FAT2: variants seen among roughly 807,000 people sequenced by gnomAD.
FAT2 encodes the protein protocadherin Fat 2.
A neutral mutation model predicts 295.3 loss-of-function variants in FAT2; 150 were observed. The observed-to-expected ratio is 0.51, with a 90% CI of 0.44 to 0.58. The LOEUF (loss-of-function observed/expected upper bound fraction) is 0.58, where lower values mean the gene tolerates loss of function less well. FAT2 is among the 20% of genes least tolerant of loss of function. The probability of loss-of-function intolerance (pLI) is 0.00; values close to 1 mark genes in which losing one functional copy is unlikely to be tolerated. For missense variants in FAT2, 4,868 were observed against 5,442.7 expected (o/e 0.89, Z 3.32); for synonymous variants, 2,026 against 2,150.3 (o/e 0.94, Z 1.60).
Position 151,566,361 on chromosome 5 carries a change from G to A in FAT2, c.2571C>T (p.Tyr857=), listed in dbSNP as rs148732795. The stretch of plus-strand genomic sequence containing the variant: ...ACTTCTCTGTGGGACTTAGCAGGGT[G>A]TAGCGAACCCTGCCATTGTCTTCCG... ...ADSEDNGRVR[Y]TLLSPTEKFS... The change falls in exon 2 of 24, where the codon TAC becomes TAT. Residue 857 remains tyrosine, a synonymous_variant. Transcript: ENST00000261800. The A allele has an allele frequency of 8.7e-6, 14 of 1,614,146 alleles. No homozygotes were observed. In the African/African-American group the frequency reaches 1.7e-4, roughly 20 times the overall value.
In FAT2 at chr5:151,531,903, G is replaced by A. The variant is rs2127591856; in HGVS notation, c.9495C>T (p.Thr3165=). ...SAEGHFSIDA[T]TGVIRLEKPL... is the part of the protein sequence containing the mutation. ...GCTTTTCCAGGCGGATCACCCCCGT[G>A]GTGGCGTCGATGGAAAAGTGGCCTT... The change falls in exon 14 of 24, where the codon ACC becomes ACT. Residue 3165 remains threonine (T), a synonymous_variant. Coordinates refer to ENST00000261800, the MANE Select transcript of FAT2 (RefSeq NM_001447.3). The surrounding 1 kb of genome is among the most constrained non-coding windows in gnomAD (Gnocchi z 5.7). 1 of 1,614,214 alleles carries A rather than the reference G, an allele frequency of 6.2e-7. No individual in the cohort carries two copies. Among genetic ancestry groups the A allele is most frequent in the East Asian group, 2.2e-5 (1 of 44,888 alleles).
rs1408299814 is a variant in FAT2 at position 151,540,744 on chromosome 5, CT to C, written c.8861del (p.Gln2954ArgfsTer78). On this transcript the variant is annotated frameshift_variant, in exon 11 of 24. Transcript: ENST00000261800. LOFTEE classifies it high-confidence loss of function. ...CATCTCCAACTTGGCTGATGCCAAA[CT>C]GGCCCAGGGGGTCTCCCTCTAAACA... ...CYITEGDPLGQFGISQVGDEW... is the reference protein window; with the variant it reads ...CYITEGDPLGXFGISQVGDEW... 1.9e-6 allele frequency: 3 copies of C among 1,613,892 alleles called. No individual in the cohort carries two copies. The highest frequency in any genetic ancestry group is 2.5e-6 in the Non-Finnish European group (3 of 1,179,960).
chr5:151,587,166 CA>C (rs71575107), intron 1 of FAT2, among the ~76,000 whole-genome samples: 6 of 147,212 alleles, frequency 4.1e-5, no homozygotes, highest in Admixed American at 1.4e-4. Context: ...CAAAACAAAA[CA>C]AAAAAAAAAC....
Position 151,543,411 on chromosome 5 carries a change from C to G in FAT2, c.7716G>C (p.Lys2572Asn). ...TGTCATTTTCATCTGTGAGGATGAT[C>G]TTCACCGTGCAGAAGGCTACTCTTC... ...GGGRVAFCTVKIILTDENDNP... is the reference protein window; with the variant it reads ...GGGRVAFCTVNIILTDENDNP... The change falls in exon 10 of 24, where the codon AAG becomes AAC. Residue 2572 changes from lysine to asparagine, a missense_variant. Transcript: ENST00000261800. 1 of 1,613,994 alleles carries G rather than the reference C, an allele frequency of 6.2e-7. No individual in the cohort carries two copies. The highest frequency in any genetic ancestry group is 8.5e-7 in the Non-Finnish European group (1 of 1,179,994).
At chr5:151,519,334 A>G (rs1753201785) in intron 19 of FAT2, among the ~76,000 whole-genome samples, 1 of 152,216 alleles carries the variant, frequency 6.6e-6, no homozygotes, top group Non-Finnish European at 1.5e-5. Context: ...ACAGAGCGAG[A>G]CTTCATCTCA....
rs1758270088 is a variant in FAT2 at position 151,566,464 on chromosome 5, C to A, written c.2468G>T (p.Gly823Val). Reference protein sequence around the residue: ...WNDNAPRFPPGGYQLTISEDT... With the variant: ...WNDNAPRFPPVGYQLTISEDT... The stretch of plus-strand genomic sequence containing the variant: ...CTCCGAGATGGTTAACTGGTACCCA[C>A]CGGGAGGAAATCTGGGTGCGTTGTC... The change falls in exon 2 of 24, where the codon GGT becomes GTT. Residue 823 changes from glycine to valine, a missense_variant. Physicochemically the swap from Gly to Val is moderately radical, Grantham distance 109. This residue lies in a region of FAT2 where 3,297 missense variants were observed against 3,669.4 expected (regional missense o/e 0.90). Coordinates refer to ENST00000261800, the MANE Select transcript of FAT2 (RefSeq NM_001447.3). The A allele has an allele frequency of 6.2e-7, 1 of 1,613,540 alleles. No homozygotes were observed. The highest frequency in any genetic ancestry group is 8.5e-7 in the Non-Finnish European group (1 of 1,179,736).
chr5:151,510,252 G>A, intron 21 of FAT2, 78 bp from the exon 22 acceptor site: 1 of 1,484,448 alleles, frequency 6.7e-7, no homozygotes. Context: ...AGACTGGTGT[G>A]TTTGTGCAGC....
At chr5:151,523,148 A>G (rs1006084983) in intron 18 of FAT2, among the ~76,000 whole-genome samples, 2 of 152,182 alleles carry the variant, frequency 1.3e-5, no homozygotes, top group African/African-American at 2.4e-5. Flanking sequence ...AAGAAAGTTG[A>G]TAAGATTACA....
chr5:151,585,284 C>T (rs1446667584), intron 1 of FAT2, among the ~76,000 whole-genome samples: 1 of 152,182 alleles, frequency 6.6e-6, no homozygotes, highest in Non-Finnish European at 1.5e-5. Flanking sequence ...GCTTTTTGTG[C>T]CAGTTACTGG....
chr5:151,530,744 T>C (rs1268480018), intron 14 of FAT2, among the ~76,000 whole-genome samples: 2 of 152,212 alleles, frequency 1.3e-5, no homozygotes, highest in East Asian at 1.9e-4. Context: ...TACACACTGA[T>C]GTCCTTACAA....
chr5:151,512,698 T>G lies in FAT2; in HGVS notation c.11464-92A>C. 1 of 1,223,154 alleles carries G rather than the reference T, an allele frequency of 8.2e-7. No individual in the cohort carries two copies. Among genetic ancestry groups the G allele is most frequent in the South Asian group, 1.5e-5 (1 of 65,850 alleles). The allele number at this position is 1,223,154 out of a possible 1,614,324, so 75.8% of individuals were successfully genotyped here. A position where few individuals can be genotyped will look rare whatever the true frequency, so the allele number is the denominator to read the frequency against. On this transcript the variant is annotated intron_variant, in intron 20 of 23. Transcript: ENST00000261800. The surrounding 1 kb of genome is among the most constrained non-coding windows in gnomAD (Gnocchi z 4.1). Reference sequence around the variant, plus strand: ...CCAGTTCAAAGAATGTTGTTTGTATTTTTATGGGTAGGAGGGGGGTGTTTG... The same window carrying G: ...CCAGTTCAAAGAATGTTGTTTGTATGTTTATGGGTAGGAGGGGGGTGTTTG...
intron 23 of FAT2, among the ~76,000 whole-genome samples, chr5:151,506,640 C>T (rs1760901069): frequency 6.6e-6 from 1 of 152,224 alleles, no homozygotes; most frequent in South Asian, 2.1e-4. Context: ...GTATTTGACA[C>T]ATAGTGAAAA....
chr5:151,550,521 C>T (rs1463393372), intron 8 of FAT2, 69 bp downstream of exon 8: 2 of 1,546,934 alleles, frequency 1.3e-6, no homozygotes, highest in African/African-American at 2.7e-5. Flanking sequence ...TTCAGCATGT[C>T]TCCAAGCATG....
intron 2 of FAT2, among the ~76,000 whole-genome samples, 194 bp downstream of exon 2, chr5:151,565,461 ATATGTGTATGTGTATATG>A (rs1758208030): frequency 1.3e-5 from 2 of 152,172 alleles, no homozygotes; most frequent in African/African-American, 4.8e-5. Flanking sequence ...ATATGTGCAT[ATATGTGTATGTGTATATG>A]CACATATATA....
Position 151,542,613 on chromosome 5 carries a change from T to A in FAT2, c.8514A>T (p.Ala2838=), listed in dbSNP as rs1756261038. 6.2e-7 allele frequency: 1 copy of A among 1,614,086 alleles called. No homozygotes were observed. Among genetic ancestry groups the A allele is most frequent in the South Asian group, 1.1e-5 (1 of 91,086 alleles). The part of the protein sequence containing the change: ...RDGQVSYRLS[A]DPGSNVHELF... ...GCTCATGGACATTGCTACCAGGGTC[T>A]GCAGACAGCCTGTAGCTCACCTGGC... Residue 2838 remains alanine (A), a synonymous_variant, in exon 10 of 24, where the codon GCA becomes GCT. Coordinates refer to ENST00000261800, the MANE Select transcript of FAT2 (RefSeq NM_001447.3).
In FAT2 at chr5:151,567,377, G is replaced by A. The variant is rs1268843239; in HGVS notation, c.1555C>T (p.Pro519Ser). 6 of 1,614,150 alleles carry A rather than the reference G, an allele frequency of 3.7e-6. No individual in the cohort carries two copies. The East Asian group carries it at 1.1e-4, about 30-fold the overall frequency. The change falls in exon 2 of 24, where the codon CCC (proline) becomes TCC (serine). Residue 519 changes from proline to serine, a missense_variant. This residue lies in a region of FAT2 where 3,297 missense variants were observed against 3,669.4 expected (regional missense o/e 0.90). Transcript: ENST00000261800. ...PYLGIISTSK[P>S]MDYELMKRIY... ...CTTTTCATGAGTTCATAGTCCATGG[G>A]TTTGGAGGTGGAGATGATCCCCAGG...
In FAT2 at chr5:151,512,727, G is replaced by T; in HGVS notation, c.11464-121C>A. 2.2e-6 allele frequency: 2 copies of T among 895,544 alleles called. No individual in the cohort carries two copies. The highest frequency in any genetic ancestry group is 3.4e-6 in the Non-Finnish European group (2 of 591,482). 55.5% of individuals were successfully genotyped at this position (895,544 alleles called of 1,614,324 possible). A position where few individuals can be genotyped will look rare whatever the true frequency, so the allele number is the denominator to read the frequency against. On this transcript the variant is annotated intron_variant, in intron 20 of 23. Coordinates refer to ENST00000261800, the MANE Select transcript of FAT2 (RefSeq NM_001447.3). This position sits in a 1 kb window ranked among gnomAD's most constrained non-coding sequence, Gnocchi z 4.1. ...ATGGGTAGGAGGGGGGTGTTTGGCT[G>T]TTTTAGACATGGCATTTGCAGAGCA...
chr5:151,583,062 C>G (rs1304931423), intron 1 of FAT2, among the ~76,000 whole-genome samples: 1 of 152,220 alleles, frequency 6.6e-6, no homozygotes, highest in East Asian at 1.9e-4. Flanking sequence ...TGTTCATCTT[C>G]CTGAGGTCTT....
In FAT2 at chr5:151,567,457, T is replaced by A. The variant is rs778494702; in HGVS notation, c.1475A>T (p.Tyr492Phe). Residue 492 changes from tyrosine (Y) to phenylalanine (F), a missense_variant, in exon 2 of 24, where the codon TAT becomes TTT. Physicochemically the swap from Tyr to Phe is conservative, Grantham distance 22 (BLOSUM62 3). This residue lies in a region of FAT2 where 3,297 missense variants were observed against 3,669.4 expected (regional missense o/e 0.90). Coordinates refer to ENST00000261800, the MANE Select transcript of FAT2 (RefSeq NM_001447.3). ...ATDRDHGENGYVTYSIAGPKA... is the reference protein window; with the variant it reads ...ATDRDHGENGFVTYSIAGPKA... ...TGGTCCAGCAATGGAATAGGTGACA[T>A]ATCCATTTTCCCCATGATCCCGGTC... is the stretch of plus-strand genomic sequence containing the variant. 3 of 1,614,020 alleles carry A rather than the reference T, an allele frequency of 1.9e-6. No homozygotes were observed. Among genetic ancestry groups the A allele is most frequent in the Non-Finnish European group, 2.5e-6 (3 of 1,180,014 alleles).
Sources: gnomAD v4.1 joint callset for allele counts (sites outside exome capture counted in the v4.1 genomes callset) on GRCh38, gnomAD v4.1.1 for gene constraint, gnomAD v4.1.1 regional missense constraint, Gnocchi (gnomAD v3.1) non-coding constraint, MANE v1.5 for transcripts, NCBI Gene and HGNC (gene_info 2026-07-23, HGNC 2026-07-21) for gene names.